Variants in SAMSN1 observed in about 807,000 individuals in gnomAD.
The protein encoded by SAMSN1 is SAM domain-containing protein SAMSN-1.
A neutral mutation model predicts 42.0 loss-of-function variants in SAMSN1; 31 were observed. The observed-to-expected ratio is 0.74, with a 90% confidence interval of 0.55 to 1.00. The LOEUF (loss-of-function observed/expected upper bound fraction) is 1.00. SAMSN1 is among the 50% of genes least tolerant of loss of function. SAMSN1 has a pLI of 0.00. For missense variants in SAMSN1, 464 were observed against 439.4 expected (o/e 1.06, Z -0.50); for synonymous variants, 178 against 151.9 (o/e 1.17, Z -1.26).
chr21:14,634,317 G>C (rs924497989), intron 2 of SAMSN1, among the ~76,000 whole-genome samples: 3 of 152,086 alleles, frequency 2.0e-5, no homozygotes, highest in African/African-American at 7.2e-5. Context: ...TGACAAATGG[G>C]ATCTAATTAA....
At chr21:14,643,095 C>T in exon 2 of SAMSN1, 1 of 717,288 alleles carries the variant, frequency 1.4e-6, no homozygotes, top group Non-Finnish European at 2.6e-6. Context: ...TAGCTTGTTG[C>T]TCTGGGATTG....
At chr21:14,606,824 T>C (rs1402717569) in intron 5 of SAMSN1, among the ~76,000 whole-genome samples, 1 of 152,200 alleles carries the variant, frequency 6.6e-6, no homozygotes, top group African/African-American at 2.4e-5. Context: ...CTCAGCTTAT[T>C]CTGATAAATT....
intron 2 of SAMSN1, among the ~76,000 whole-genome samples, chr21:14,616,912 T>A (rs1429741099): frequency 1.3e-5 from 2 of 152,216 alleles, no homozygotes; most frequent in Non-Finnish European, 2.9e-5. Flanking sequence ...CTGGGCACAG[T>A]GAAATCCAGG....
At chr21:14,620,539 A>T (rs1321475842) in intron 2 of SAMSN1, among the ~76,000 whole-genome samples, 1 of 152,228 alleles carries the variant, frequency 6.6e-6, no homozygotes, top group African/African-American at 2.4e-5. Context: ...CAGTGTGAAC[A>T]TGATCTAATA....
At chr21:14,552,578 G>A (rs1980636635) in intron 2 of SAMSN1, among the ~76,000 whole-genome samples, 1 of 152,158 alleles carries the variant, frequency 6.6e-6, no homozygotes, top group South Asian at 2.1e-4. Flanking sequence ...AGAGAAATTT[G>A]CTGGTGTCTT....
intron 1 of SAMSN1, among the ~76,000 whole-genome samples, chr21:14,533,754 T>C (rs1449198049): frequency 1.3e-5 from 2 of 152,302 alleles, no homozygotes; most frequent in Middle Eastern, 3.4e-3. Context: ...GATCAAAAAA[T>C]TGTTTCCCCT....
intron 1 of SAMSN1, among the ~76,000 whole-genome samples, chr21:14,650,821 A>T (rs1334855837): frequency 6.6e-6 from 1 of 152,068 alleles, no homozygotes; most frequent in Non-Finnish European, 1.5e-5. Context: ...CAAATAAATA[A>T]AATCAGAAAA....
intron 2 of SAMSN1, among the ~76,000 whole-genome samples, chr21:14,617,882 C>T (rs995903505): frequency 5.9e-5 from 9 of 152,288 alleles, no homozygotes; most frequent in South Asian, 2.1e-4. Flanking sequence ...AGATGTATTA[C>T]GCAAACATAG....
exon 2 of SAMSN1, chr21:14,582,207 G>T (rs2822785): frequency 6.5e-7 from 1 of 1,550,240 alleles, no homozygotes; most frequent in East Asian, 2.4e-5. Flanking sequence ...GAGGAGCAGT[G>T]GTCCCAGGGT....
At chr21:14,635,851 A>G (rs555565583) in intron 2 of SAMSN1, among the ~76,000 whole-genome samples, 2 of 150,622 alleles carry the variant, frequency 1.3e-5, no homozygotes, top group Non-Finnish European at 1.5e-5. Context: ...TTATACTTCA[A>G]GTTCTAGGGT....
chr21:14,535,421 A>C (rs1344479865), intron 1 of SAMSN1, among the ~76,000 whole-genome samples: 2 of 152,206 alleles, frequency 1.3e-5, no homozygotes, highest in Non-Finnish European at 2.9e-5. Flanking sequence ...GGATTGGTCA[A>C]CTGGAAGTGG....
chr21:14,505,131 C>T (rs959568708), intron 5 of SAMSN1, among the ~76,000 whole-genome samples: 9 of 152,146 alleles, frequency 5.9e-5, no homozygotes, highest in Non-Finnish European at 1.2e-4. Flanking sequence ...AACAGAACCT[C>T]TTTGAAGCAT....
chr21:14,547,362 G>C (rs997767513), upstream of SAMSN1, among the ~76,000 whole-genome samples: 5 of 152,094 alleles, frequency 3.3e-5, no homozygotes, highest in South Asian at 4.1e-4. Flanking sequence ...CTATTTAATA[G>C]TCCTGGTAGA....
At chr21:14,565,817 G>A (rs1354335127) in intron 2 of SAMSN1, among the ~76,000 whole-genome samples, 1 of 152,066 alleles carries the variant, frequency 6.6e-6, no homozygotes, top group Non-Finnish European at 1.5e-5. Context: ...TACAATGCTA[G>A]CCACAATAAA....
At chr21:14,618,004 C>T (rs1815507026) in intron 2 of SAMSN1, among the ~76,000 whole-genome samples, 1 of 152,112 alleles carries the variant, frequency 6.6e-6, no homozygotes, top group South Asian at 2.1e-4. Flanking sequence ...AATTAGCTTC[C>T]GGTTTGAAGT....
intron 2 of SAMSN1, among the ~76,000 whole-genome samples, chr21:14,563,912 G>A (rs530008512): frequency 1.3e-5 from 2 of 152,090 alleles, no homozygotes; most frequent in South Asian, 4.1e-4. Context: ...AAGAATATAG[G>A]TACAATTAAG....
rs747930424 is a variant in SAMSN1, at chr21:14,516,955, A to G, written c.216T>C (p.Ala72=). 9 of 1,613,480 alleles carry G rather than the reference A, an allele frequency of 5.6e-6. No homozygotes were observed. The highest frequency in any genetic ancestry group is 7.6e-6 in the Non-Finnish European group (9 of 1,179,582). The change falls in exon 3 of 8, where the codon GCT becomes GCC. Residue 72 remains alanine (A), a synonymous_variant. Transcript: ENST00000400566. The stretch of plus-strand genomic sequence containing the variant: ...CTTTTTTCTTCATTGTCCATGAAAT[A>G]GCTCTCATTTTTTTACCCAAACCGC... ...NGGGLGKKMR[A]ISWTMKKKVG... is the part of the protein sequence containing the mutation.
chr21:14,495,131 G>C lies in SAMSN1; in HGVS notation c.919+3311C>G, dbSNP rs146920226. On this transcript the variant is annotated intron_variant, in intron 7 of 7. Transcript: ENST00000400566. ...ACATGTCCCATTCTTAAAAAGAAAG[G>C]CAAACTATTTTTAACGTTTAACGTG... Among the ~76,000 whole-genome samples, 1,008 of 152,204 alleles carry C rather than the reference G, an allele frequency of 6.6e-3. 10 individuals are homozygous for C. The highest frequency in any genetic ancestry group is 0.023 in the African/African-American group (951 of 41,528).
chr21:14,540,586 C>T (rs1201833469), intron 1 of SAMSN1, among the ~76,000 whole-genome samples: 7 of 152,104 alleles, frequency 4.6e-5, no homozygotes, highest in Admixed American at 6.5e-5. Context: ...CAATGAGATA[C>T]CATCTCACAC....
Sources: allele counts gnomAD v4.1 joint callset (sites outside exome capture counted in the v4.1 genomes callset), GRCh38; gene constraint gnomAD v4.1.1; transcripts MANE v1.5; gene names NCBI Gene and HGNC (gene_info 2026-07-23, HGNC 2026-07-21).